Variants in TRABD2B observed in about 807,000 individuals in gnomAD.
TRABD2B encodes TraB domain containing 2B.
TRABD2B carries 14 observed loss-of-function variants against 40.1 expected under a neutral mutation model. That is an observed-to-expected ratio of 0.35 (90% CI 0.23 to 0.55). TRABD2B has a LOEUF of 0.55. TRABD2B is among the 20% of genes least tolerant of loss of function. The probability of loss-of-function intolerance (pLI) is 0.90; values close to 1 mark genes in which losing one functional copy is unlikely to be tolerated. For synonymous variants in TRABD2B, 263 were observed against 277.0 expected, an observed-to-expected ratio of 0.95 and a Z score of 0.50; for missense variants, 541 against 648.6, an observed-to-expected ratio of 0.83 and a Z score of 1.80.
intron 2 of TRABD2B, among the ~76,000 whole-genome samples, chr1:47,881,967 G>T (rs1456853463): frequency 6.6e-6 from 1 of 152,208 alleles, no homozygotes; most frequent in East Asian, 1.9e-4. Flanking sequence ...AGCCACATCT[G>T]GCTCTGACGC....
intron 2 of TRABD2B, among the ~76,000 whole-genome samples, chr1:47,905,581 A>C (rs1036865601): frequency 5.9e-5 from 9 of 152,134 alleles, no homozygotes; most frequent in Admixed American, 4.6e-4. Context: ...TTGGAAAAGA[A>C]ATCTACATTT....
intron 2 of TRABD2B, among the ~76,000 whole-genome samples, chr1:47,847,243 T>C (rs1180365802): frequency 1.3e-5 from 2 of 152,136 alleles, no homozygotes; most frequent in East Asian, 1.9e-4. Flanking sequence ...GGGTCATTCC[T>C]AGCCAGGTAA....
At chr1:47,832,756 T>C (rs890425316) in intron 2 of TRABD2B, among the ~76,000 whole-genome samples, 1 of 152,126 alleles carries the variant, frequency 6.6e-6, no homozygotes, top group Non-Finnish European at 1.5e-5. Context: ...TTTGTTCTTT[T>C]TATATTTGGT....
chr1:47,891,224 T>C (rs1570225972), intron 2 of TRABD2B, among the ~76,000 whole-genome samples: 1 of 152,200 alleles, frequency 6.6e-6, no homozygotes, highest in African/African-American at 2.4e-5. Flanking sequence ...ACTGTTCACA[T>C]AGCAATGAGT....
chr1:47,823,438 G>A (rs1366871927), intron 2 of TRABD2B, among the ~76,000 whole-genome samples: 2 of 152,234 alleles, frequency 1.3e-5, no homozygotes, highest in African/African-American at 4.8e-5. Flanking sequence ...AAGCCCCTCC[G>A]GCCCCATCTG....
intron 2 of TRABD2B, among the ~76,000 whole-genome samples, chr1:47,928,404 G>T (rs1644997286): frequency 6.6e-6 from 1 of 152,222 alleles, no homozygotes; most frequent in Non-Finnish European, 1.5e-5. Context: ...ATTAAAATGA[G>T]ATGATGCATC....
At chr1:47,861,726 G>A (rs1643975385) in intron 2 of TRABD2B, among the ~76,000 whole-genome samples, 1 of 152,160 alleles carries the variant, frequency 6.6e-6, no homozygotes, top group African/African-American at 2.4e-5. Context: ...ACCTCCTTCA[G>A]AACACAGAAG....
intron 2 of TRABD2B, among the ~76,000 whole-genome samples, chr1:47,895,313 A>G (rs1428134825): frequency 6.6e-6 from 1 of 152,094 alleles, no homozygotes; most frequent in Non-Finnish European, 1.5e-5. Context: ...ACCATAAAGC[A>G]CAGCCTGTAT....
In TRABD2B at chr1:47,837,129, G is replaced by A. The variant is rs79592861; in HGVS notation, c.667-35510C>T. On this transcript the variant is annotated intron_variant, in intron 2 of 6. Transcript: ENST00000606738. Reference sequence around the variant, plus strand: ...ATCCTGTGAAAGTTCACACCACAGGGGAGAGCACTGGGGCTCAGGAAGCCA... The same window carrying A: ...ATCCTGTGAAAGTTCACACCACAGGAGAGAGCACTGGGGCTCAGGAAGCCA... Among the ~76,000 whole-genome samples, 954 of 152,282 alleles carry A rather than the reference G, an allele frequency of 6.3e-3. 35 individuals carry two copies. In the East Asian group the frequency reaches 0.11, roughly 18 times the overall value.
At chr1:47,795,727 C>A in intron 3 of TRABD2B, 1 of 985,272 alleles carries the variant, frequency 1.0e-6, no homozygotes, top group Middle Eastern at 5.2e-4. Context: ...TTCCCAATGC[C>A]TGAGCCACCA....
At chr1:47,857,984 T>C (rs940960624) in intron 2 of TRABD2B, among the ~76,000 whole-genome samples, 1 of 147,464 alleles carries the variant, frequency 6.8e-6, no homozygotes, top group Admixed American at 7.0e-5. Context: ...GAGAGATAGA[T>C]AGAGATCCCA....
chr1:47,775,073 G>T, intron 6 of TRABD2B, 97 bp downstream of exon 6: 1 of 1,159,632 alleles, frequency 8.6e-7, no homozygotes, highest in Non-Finnish European at 1.1e-6. Context: ...GAGCAGGGCT[G>T]GCCTGACGAC....
At chr1:47,772,045 C>T (rs906408661) in intron 6 of TRABD2B, among the ~76,000 whole-genome samples, 3 of 151,692 alleles carry the variant, frequency 2.0e-5, no homozygotes, top group Admixed American at 6.6e-5. Flanking sequence ...GGGGCACCCA[C>T]CGGCACTGCG....
intron 2 of TRABD2B, among the ~76,000 whole-genome samples, chr1:47,960,942 C>T (rs7536205): frequency 0.96 from 145,153 of 150,824 alleles, 70,110 homozygotes; most frequent in Non-Finnish European, 1. Context: ...GGAGGCATCA[C>T]ACTACCTGAC....
At chr1:47,766,221 G>T in intron 6 of TRABD2B, 115 bp from the exon 7 acceptor site, 1 of 633,476 alleles carries the variant, frequency 1.6e-6, no homozygotes. Context: ...AATGGAGAAG[G>T]GAACAAGGAG....
intron 2 of TRABD2B, among the ~76,000 whole-genome samples, chr1:47,930,967 T>C (rs1451929278): frequency 6.6e-6 from 1 of 152,194 alleles, no homozygotes; most frequent in South Asian, 2.1e-4. Flanking sequence ...ACCTTCAATC[T>C]GTGACACTGA....
chr1:47,776,696 G>A (rs566626230), intron 5 of TRABD2B, among the ~76,000 whole-genome samples: 31 of 152,304 alleles, frequency 2.0e-4, no homozygotes, highest in African/African-American at 7.5e-4. Context: ...GTGGCTGAGT[G>A]GGCAGCTTGC....
intron 2 of TRABD2B, among the ~76,000 whole-genome samples, chr1:47,803,822 C>T (rs370870128): frequency 1.3e-5 from 2 of 152,192 alleles, no homozygotes; most frequent in African/African-American, 4.8e-5. Context: ...TTCTTTGACA[C>T]TGCTATGGTC....
At chr1:47,993,656 A>G (rs1453563162) in intron 2 of TRABD2B, among the ~76,000 whole-genome samples, 3 of 152,120 alleles carry the variant, frequency 2.0e-5, no homozygotes, top group South Asian at 2.1e-4. Flanking sequence ...CAGCCTCAAT[A>G]CAGCCTCCAG....
Sources: gnomAD v4.1 joint callset for allele counts (sites outside exome capture counted in the v4.1 genomes callset) on GRCh38, gnomAD v4.1.1 for gene constraint, MANE v1.5 for transcripts, NCBI Gene and HGNC (gene_info 2026-07-23, HGNC 2026-07-21) for gene names.